The following UNC13C variants were observed in gnomAD, a reference collection of about 807,000 sequenced individuals.
UNC13C encodes protein unc-13 homolog C.
A neutral mutation model predicts 245.4 loss-of-function variants in UNC13C; 174 were observed. That is an observed-to-expected ratio of 0.71 (90% confidence interval 0.63 to 0.80). The LOEUF is 0.80. Among genes scored for constraint, UNC13C ranks in the 30% least tolerant of loss-of-function variants. The pLI is 0.00. For synonymous variants in UNC13C, 992 were observed against 895.1 expected (o/e 1.11, Z -1.93); for missense variants, 2,829 against 2,602.9 (o/e 1.09, Z -1.89).
chr15:54,222,734 C>A (rs146446608), intron 4 of UNC13C, among the ~76,000 whole-genome samples: 6 of 152,184 alleles, frequency 3.9e-5, no homozygotes, highest in Non-Finnish European at 8.8e-5. Flanking sequence ...TCCCTTCTCT[C>A]TATATCCTTG....
chr15:54,513,438 G>A (rs1894838811), intron 24 of UNC13C, among the ~76,000 whole-genome samples: 1 of 152,092 alleles, frequency 6.6e-6, no homozygotes, highest in Non-Finnish European at 1.5e-5. Context: ...AGATAAATCA[G>A]ACCTGTACTT....
downstream of UNC13C, chr15:54,632,004 C>T (rs1165088656): frequency 1.3e-5 from 2 of 152,128 alleles, no homozygotes; most frequent in African/African-American, 4.8e-5. Flanking sequence ...CACTGGGTAT[C>T]GTCAGTTCTT....
chr15:53,972,013 A>C, the UNC13C span, among the ~76,000 whole-genome samples: 1 of 152,200 alleles, frequency 6.6e-6, no homozygotes, highest in East Asian at 1.9e-4. Flanking sequence ...TTAAATGACT[A>C]TGGGTTCATT....
chr15:54,318,620 G>A (rs1217144418), intron 13 of UNC13C, among the ~76,000 whole-genome samples: 1 of 151,764 alleles, frequency 6.6e-6, no homozygotes, highest in Admixed American at 6.6e-5. Context: ...TATGGTTTGG[G>A]TATTAACACC....
chr15:54,296,111 G>T (rs1042217974), intron 11 of UNC13C, among the ~76,000 whole-genome samples: 1 of 152,098 alleles, frequency 6.6e-6, no homozygotes. Context: ...AACCAATAAA[G>T]CTCCCCTGGA....
chr15:54,066,180 G>T (rs1397484836), intron 2 of UNC13C, among the ~76,000 whole-genome samples: 1 of 152,170 alleles, frequency 6.6e-6, no homozygotes, highest in Admixed American at 6.5e-5. Context: ...TAAAAGATAT[G>T]CATGGATCAT....
At chr15:54,173,378 G>T (rs528372781) in intron 4 of UNC13C, among the ~76,000 whole-genome samples, 1 of 151,768 alleles carries the variant, frequency 6.6e-6, no homozygotes, top group Non-Finnish European at 1.5e-5. Context: ...ATTTATTTAG[G>T]TTTTCTTCAA....
At chr15:54,584,598 G>A (rs1898390494) in intron 30 of UNC13C, among the ~76,000 whole-genome samples, 1 of 152,254 alleles carries the variant, frequency 6.6e-6, no homozygotes, top group African/African-American at 2.4e-5. Context: ...AACTGGAAAT[G>A]GAAGAAGTCA....
the UNC13C span, among the ~76,000 whole-genome samples, chr15:53,843,287 A>G: frequency 6.6e-6 from 1 of 152,074 alleles, no homozygotes; most frequent in African/African-American, 2.4e-5. Context: ...CAAGAAAAAA[A>G]ACTGCAAAAA....
chr15:54,120,412 CAGAAG>C (rs770210016), intron 2 of UNC13C, among the ~76,000 whole-genome samples: 5 of 151,994 alleles, frequency 3.3e-5, no homozygotes, highest in African/African-American at 4.8e-5. Context: ...TTACACTGCT[CAGAAG>C]AAAAAGAAAG....
At chr15:53,896,646 T>A in the UNC13C span, among the ~76,000 whole-genome samples, 2 of 152,132 alleles carry the variant, frequency 1.3e-5, no homozygotes, top group African/African-American at 4.8e-5. Flanking sequence ...AACCAGGTCA[T>A]GTTCAGGGCA....
intron 28 of UNC13C, among the ~76,000 whole-genome samples, chr15:54,553,298 T>C (rs1285899832): frequency 4.3e-5 from 5 of 116,818 alleles, no homozygotes; most frequent in Non-Finnish European, 1.6e-5. Flanking sequence ...TATATTGTAT[T>C]CTATATTACA....
chr15:53,847,778 T>C, the UNC13C span, among the ~76,000 whole-genome samples: 9 of 151,988 alleles, frequency 5.9e-5, no homozygotes, highest in East Asian at 1.9e-4. Context: ...AAAGATGAAA[T>C]AGTAAGGTTA....
chr15:54,201,314 T>A (rs1567092401), intron 4 of UNC13C, among the ~76,000 whole-genome samples: 1 of 152,136 alleles, frequency 6.6e-6, no homozygotes, highest in East Asian at 1.9e-4. Flanking sequence ...AATCATTCTA[T>A]GAAGCCAGTA....
chr15:54,268,657 C>A (rs931194047), intron 10 of UNC13C, among the ~76,000 whole-genome samples: 1 of 152,062 alleles, frequency 6.6e-6, no homozygotes, highest in East Asian at 1.9e-4. Context: ...AAATAGTGCT[C>A]AATTTCAGGC....
At chr15:54,305,647 A>G (rs1375770276) in intron 13 of UNC13C, among the ~76,000 whole-genome samples, 4 of 152,066 alleles carry the variant, frequency 2.6e-5, no homozygotes, top group African/African-American at 7.2e-5. Context: ...CAACCAACCA[A>G]CGAAAGAACA....
rs1176477079 is a variant in UNC13C at position 54,294,284 on chromosome 15, A to G, written c.3988+220A>G. Among the ~76,000 whole-genome samples, 5 of 152,112 alleles carry G rather than the reference A, an allele frequency of 3.3e-5. No individual in the cohort carries two copies. The East Asian group carries it at 7.7e-4, about 23-fold the overall frequency. On this transcript the variant is annotated intron_variant, in intron 11 of 32. Coordinates refer to ENST00000260323, the MANE Select transcript of UNC13C (RefSeq NM_001080534.3). ...GAGGTGAAAGGAGAAATCCCTTTCCAAGAACTACCTAGATGTCTTTTAGAG... is the reference window on the plus strand; with the variant it reads ...GAGGTGAAAGGAGAAATCCCTTTCCGAGAACTACCTAGATGTCTTTTAGAG...
chr15:54,311,841 T>C (rs2037880876), intron 13 of UNC13C, among the ~76,000 whole-genome samples: 1 of 151,830 alleles, frequency 6.6e-6, no homozygotes, highest in South Asian at 2.1e-4. Context: ...TTATACAATT[T>C]TGCATGATGT....
chr15:54,456,854 T>G (rs889654916), intron 19 of UNC13C, among the ~76,000 whole-genome samples: 6 of 152,054 alleles, frequency 3.9e-5, no homozygotes, highest in Non-Finnish European at 5.9e-5. Flanking sequence ...TCTTTACTGA[T>G]TCGGATGCCC....
Sources: gnomAD v4.1 joint callset for allele counts (sites outside exome capture counted in the v4.1 genomes callset) on GRCh38, gnomAD v4.1.1 for gene constraint, MANE v1.5 for transcripts, NCBI Gene and HGNC (gene_info 2026-07-23, HGNC 2026-07-21) for gene names.